Variants in KIAA0586 observed in about 807,000 individuals in gnomAD.
KIAA0586 encodes protein TALPID3.
KIAA0586 carries 144 observed loss-of-function variants against 169.8 expected under a neutral mutation model. That is an observed-to-expected ratio of 0.85 (90% CI 0.74 to 0.97). The LOEUF (loss-of-function observed/expected upper bound fraction) is 0.97. KIAA0586 is among the 50% of genes least tolerant of loss of function. The pLI, the probability that KIAA0586 is intolerant of heterozygous loss-of-function variation, is 0.00. For missense variants in KIAA0586, 1,854 were observed against 1,823.0 expected, an observed-to-expected ratio of 1.02 and a Z score of -0.31; for synonymous variants, 625 against 612.4, an observed-to-expected ratio of 1.02 and a Z score of -0.30.
chr14:58,488,893 G>A lies in KIAA0586; in HGVS notation c.3781+19G>A, dbSNP rs2042650695. 1 of 1,608,630 alleles carries A rather than the reference G, an allele frequency of 6.2e-7. No individual in the cohort carries two copies. The highest frequency in any genetic ancestry group is 8.5e-7 in the Non-Finnish European group (1 of 1,176,532). On this transcript the variant is annotated intron_variant, in intron 24 of 30. Coordinates refer to ENST00000652326, the MANE Select transcript of KIAA0586 (RefSeq NM_001329943.3). ...CCCAAGAGTAAGTTAATTTGTATTA[G>A]TTGATTTTACTTGTTAGATTATGCT... is the stretch of plus-strand genomic sequence containing the variant.
At chr14:58,494,050 A>C (rs2042994165) in intron 26 of KIAA0586, among the ~76,000 whole-genome samples, 1 of 152,090 alleles carries the variant, frequency 6.6e-6, no homozygotes, top group Non-Finnish European at 1.5e-5. Context: ...CAATTGTATC[A>C]GACGTTTTTA....
At position 58,492,147 on chromosome 14, in the gene KIAA0586, G is replaced by A. The variant is rs181413894; in HGVS notation, c.3862G>A (p.Asp1288Asn). Residue 1288 changes from aspartate to asparagine, a missense_variant, in exon 26 of 31, where the codon GAT (aspartate) becomes AAT (asparagine). By Grantham distance (23) the Asp-to-Asn change is conservative. Coordinates refer to ENST00000652326, the MANE Select transcript of KIAA0586 (RefSeq NM_001329943.3). Reference sequence around the variant, plus strand: ...ATTGTCTTTATGTTTCTTTTAGGAGGATGATCCTCCTAGTGAAGGGCAAGT... The same window carrying A: ...ATTGTCTTTATGTTTCTTTTAGGAGAATGATCCTCCTAGTGAAGGGCAAGT... ...STLHDAVEME[D>N]DPPSEGQVIR... The A allele has an allele frequency of 1.9e-4, 287 of 1,521,044 alleles. No homozygotes were observed. In the African/African-American group the frequency reaches 3.1e-3, roughly 16 times the overall value. The allele number at this position is 1,521,044 out of a possible 1,614,324, so 94.2% of individuals were successfully genotyped here.
rs1488406140 is a variant in KIAA0586 at position 58,477,178 on chromosome 14, C to T, written c.2881C>T (p.Gln961Ter). 1.3e-6 allele frequency: 2 copies of T among 1,585,902 alleles called. No homozygotes were observed. The highest frequency in any genetic ancestry group is 1.7e-6 in the Non-Finnish European group (2 of 1,164,236). Residue 961 changes from glutamine (Q) to a stop codon, truncating the protein, a stop_gained, in exon 20 of 31, where the codon CAG becomes TAG. Transcript: ENST00000652326. LOFTEE classifies it high-confidence loss of function. ...IISGLFPVQQ[Q>*]IAPSISVSVS... ...CTCTGGGCTCTTTCCAGTCCAGCAA[C>T]AGATTGCACCTAGTATCAGTGTTTC...
At chr14:58,486,955 A>G in intron 21 of KIAA0586, 52 bp from the exon 22 acceptor site, 2 of 1,416,250 alleles carry the variant, frequency 1.4e-6, no homozygotes, top group South Asian at 2.6e-5. Flanking sequence ...TTTTCAAATT[A>G]CTTTTATTTG....
In KIAA0586 at chr14:58,482,683, G is replaced by C. The variant is rs1471128149; in HGVS notation, c.3115G>C (p.Asp1039His). 1 of 1,576,236 alleles carries C rather than the reference G, an allele frequency of 6.3e-7. No homozygotes were observed. Among genetic ancestry groups the C allele is most frequent in the Non-Finnish European group, 8.6e-7 (1 of 1,164,176 alleles). The change falls in exon 21 of 31, where the codon GAT becomes CAT. Residue 1039 changes from aspartate (D) to histidine (H), a missense_variant. Physicochemically the swap from Asp to His is moderately conservative, Grantham distance 81. Transcript: ENST00000652326. ...TCCTGTTGCTACAGGTGTTTCTGGGGATGCTTCAACAAATGAAACATATTT... is the reference window on the plus strand; with the variant it reads ...TCCTGTTGCTACAGGTGTTTCTGGGCATGCTTCAACAAATGAAACATATTT... ...QGPVATGVSGDASTNETYLPA... is the reference protein window; with the variant it reads ...QGPVATGVSGHASTNETYLPA...
intron 13 of KIAA0586, 54 bp from the exon 14 acceptor site, chr14:58,460,932 G>A (rs770801385): frequency 1.5e-6 from 2 of 1,302,260 alleles, no homozygotes; most frequent in African/African-American, 1.5e-5. Flanking sequence ...AGAAAAATGA[G>A]ATAAGTGTTT....
rs539332242 is a variant in KIAA0586 at position 58,549,723 on chromosome 14, T to C, written c.*1791T>C. ...ACAAGACTCTGGGCAAGGTGAAAGC[T>C]GGAGAAATGTTGCTTAGTGCTGCTT... On this transcript the variant is annotated 3_prime_UTR_variant, in exon 31 of 31. Transcript: ENST00000652326. The C allele has an allele frequency of 6.6e-6, 1 of 152,352 alleles. No individual in the cohort carries two copies. The highest frequency in any genetic ancestry group is 2.1e-4 in the South Asian group (1 of 4,830). The allele number at this position is 152,352 out of a possible 1,614,324, so 9.4% of individuals were successfully genotyped here.
chr14:58,456,930 G>A (rs1342974885), intron 10 of KIAA0586, 120 bp downstream of exon 10: 2 of 638,622 alleles, frequency 3.1e-6, no homozygotes, highest in African/African-American at 3.7e-5. Context: ...AAAAAGATAT[G>A]TCAGCCACAT....
At chr14:58,448,563 A>G in intron 7 of KIAA0586, 70 bp downstream of exon 7, 1 of 1,152,194 alleles carries the variant, frequency 8.7e-7, no homozygotes, top group East Asian at 2.5e-5. Context: ...CATAAGCTGA[A>G]AACATATTTC....
At chr14:58,561,193 C>CGT in the KIAA0586 span, among the ~76,000 whole-genome samples, 4 of 152,022 alleles carry the variant, frequency 2.6e-5, no homozygotes, top group Non-Finnish European at 5.9e-5. Flanking sequence ...ACAGAGAAAG[C>CGT]GTGTGTGTGT....
At chr14:58,474,533 C>T in intron 18 of KIAA0586, 74 bp from the exon 19 acceptor site, 1 of 1,008,752 alleles carries the variant, frequency 9.9e-7, no homozygotes. Flanking sequence ...CACCTAGTTC[C>T]TTGCCTATAG....
At chr14:58,442,564 G>A in intron 4 of KIAA0586, 142 bp from the exon 5 acceptor site, 1 of 575,102 alleles carries the variant, frequency 1.7e-6, no homozygotes, top group Non-Finnish European at 3.0e-6. Context: ...GATAAATTTT[G>A]TTAACCAAAT....
chr14:58,478,905 A>G (rs2041845536), intron 20 of KIAA0586, among the ~76,000 whole-genome samples: 1 of 152,234 alleles, frequency 6.6e-6, no homozygotes, highest in South Asian at 2.1e-4. Flanking sequence ...TATTGCATGT[A>G]GTAATAGTAT....
intron 20 of KIAA0586, 88 bp from the exon 21 acceptor site, chr14:58,482,425 C>G: frequency 9.4e-7 from 1 of 1,058,786 alleles, no homozygotes. Flanking sequence ...CACTACGTCT[C>G]GAGAAAAATA....
At chr14:58,518,650 G>A (rs1291404209) in intron 29 of KIAA0586, among the ~76,000 whole-genome samples, 3 of 152,120 alleles carry the variant, frequency 2.0e-5, no homozygotes, top group Non-Finnish European at 4.4e-5. Context: ...ATGCCTTTTT[G>A]CATTATCTTC....
At chr14:58,536,051 A>G (rs921627576) in intron 29 of KIAA0586, among the ~76,000 whole-genome samples, 2 of 152,246 alleles carry the variant, frequency 1.3e-5, no homozygotes, top group African/African-American at 4.8e-5. Context: ...AGCCCAAAAT[A>G]ATTTTTTTTT....
Position 58,487,973 on chromosome 14 carries a change from C to A in KIAA0586, c.3391C>A (p.Pro1131Thr). The change falls in exon 23 of 31, where the codon CCA (proline) becomes ACA (threonine). Residue 1131 changes from proline to threonine, a missense_variant. Coordinates refer to ENST00000652326, the MANE Select transcript of KIAA0586 (RefSeq NM_001329943.3). ...TCCTCCAGCGGCGGCAGTTTTTACC[C>A]CAACTTTGTCAGATATTTCCATTGA... Reference protein sequence around the residue: ...TPPPAAAVFTPTLSDISIDKL... With the variant: ...TPPPAAAVFTTTLSDISIDKL... The A allele has an allele frequency of 6.2e-7, 1 of 1,613,606 alleles. No individual in the cohort carries two copies. The highest frequency in any genetic ancestry group is 8.5e-7 in the Non-Finnish European group (1 of 1,179,768).
At chr14:58,467,998 T>A in intron 16 of KIAA0586, 76 bp downstream of exon 16, 1 of 821,390 alleles carries the variant, frequency 1.2e-6, no homozygotes, top group Non-Finnish European at 1.9e-6. Context: ...GGAAATCCAT[T>A]ATATTGCTTC....
intron 28 of KIAA0586, among the ~76,000 whole-genome samples, chr14:58,508,954 G>A (rs2044196891): frequency 6.6e-6 from 1 of 152,142 alleles, no homozygotes; most frequent in African/African-American, 2.4e-5. Context: ...TAATGGCCAG[G>A]TGCAATGGCT....
Sources: gnomAD v4.1 joint callset for allele counts (sites outside exome capture counted in the v4.1 genomes callset) on GRCh38, gnomAD v4.1.1 for gene constraint, MANE v1.5 for transcripts, NCBI Gene and HGNC (gene_info 2026-07-23, HGNC 2026-07-21) for gene names.